BIK: variants seen among roughly 807,000 people sequenced by gnomAD.
BIK encodes the protein BCL2 interacting killer.
In BIK, 14 loss-of-function variants were observed where a neutral mutation model predicts 12.1. The observed-to-expected ratio is 1.16, with a 90% CI of 0.77 to 1.81. The LOEUF (loss-of-function observed/expected upper bound fraction) is 1.81, where lower values mean the gene tolerates loss of function less well. BIK is among the 40% of genes most tolerant of loss of function. BIK has a pLI of 0.00. For missense variants in BIK, 215 were observed against 207.9 expected, an observed-to-expected ratio of 1.03 and a Z score of -0.21; for synonymous variants, 86 against 92.3, an observed-to-expected ratio of 0.93 and a Z score of 0.39.
chr22:43,121,039 G>T (rs564875640), intron 1 of BIK, among the ~76,000 whole-genome samples: 3 of 152,180 alleles, frequency 2.0e-5, no homozygotes, highest in Non-Finnish European at 4.4e-5. Flanking sequence ...GCCGGGTGTG[G>T]TGGCATGTGC....
rs190445281 is a variant in BIK at position 43,116,006 on chromosome 22, T to G, written c.-8+5203T>G. Among the ~76,000 whole-genome samples the G allele has an allele frequency of 2.6e-4, 40 of 152,208 alleles. 1 individual carries two copies. The highest frequency in any genetic ancestry group is 7.9e-4 in the African/African-American group (33 of 41,528). On this transcript the variant is annotated intron_variant, in intron 1 of 4. Coordinates refer to ENST00000216115, the MANE Select transcript of BIK (RefSeq NM_001197.5). ...CCTGACCTTAGTTGATCCATCTGCC[T>G]TGACCTCCCAAAGTGCTGGGATTAC... is the stretch of plus-strand genomic sequence containing the variant.
chr22:43,125,230 C>G (rs138502102), intron 2 of BIK, among the ~76,000 whole-genome samples: 18 of 152,260 alleles, frequency 1.2e-4, no homozygotes, highest in African/African-American at 4.3e-4. Context: ...TTTGCCGAAT[C>G]CTGTTTTATC....
At chr22:43,118,465 C>T (rs1344555049) in intron 1 of BIK, among the ~76,000 whole-genome samples, 1 of 152,196 alleles carries the variant, frequency 6.6e-6, no homozygotes, top group Admixed American at 6.5e-5. Flanking sequence ...TTCTGCCTCA[C>T]ACAGCAGGGG....
intron 1 of BIK, among the ~76,000 whole-genome samples, chr22:43,121,451 A>G (rs1303133261): frequency 3.3e-5 from 5 of 152,018 alleles, no homozygotes; most frequent in Admixed American, 2.6e-4. Flanking sequence ...CCTTCTTCCT[A>G]TCTGGCGCCT....
At chr22:43,126,188 C>CTTTTTTTTTTTTT (rs549572600) in intron 2 of BIK, among the ~76,000 whole-genome samples, 3 of 137,164 alleles carry the variant, frequency 2.2e-5, no homozygotes, top group Admixed American at 1.4e-4. Flanking sequence ...GCATGCCCGG[C>CTTTTTTTTTTTTT]TTTTTTTTTT....
intron 1 of BIK, among the ~76,000 whole-genome samples, chr22:43,116,009 A>G (rs1022308362): frequency 1.3e-5 from 2 of 150,718 alleles, no homozygotes; most frequent in African/African-American, 2.4e-5. Context: ...ATCTGCCTTG[A>G]CCTCCCAAAG....
At chr22:43,121,031 C>T (rs1255573061) in intron 1 of BIK, among the ~76,000 whole-genome samples, 4 of 152,158 alleles carry the variant, frequency 2.6e-5, no homozygotes, top group South Asian at 2.1e-4. Context: ...AAAAATTAGC[C>T]GGGTGTGGTG....
intron 2 of BIK, 36 bp downstream of exon 2, chr22:43,124,219 T>C (rs1930271619): frequency 6.2e-6 from 10 of 1,608,300 alleles, no homozygotes; most frequent in Non-Finnish European, 8.5e-6. Flanking sequence ...CCCTGCCTGA[T>C]AGTGACTTCA....
chr22:43,124,884 T>G (rs1930284678), intron 2 of BIK, among the ~76,000 whole-genome samples: 1 of 152,102 alleles, frequency 6.6e-6, no homozygotes, highest in Non-Finnish European at 1.5e-5. Context: ...AGAGCGAGAC[T>G]CCATCTCAAA....
intron 1 of BIK, among the ~76,000 whole-genome samples, chr22:43,111,052 T>A (rs961108088): frequency 9.9e-5 from 15 of 151,822 alleles, no homozygotes; most frequent in African/African-American, 3.1e-4. Context: ...GGCCTCAGTC[T>A]CCGCGCCTGT....
chr22:43,127,908 C>A, intron 3 of BIK, 113 bp downstream of exon 3: 2 of 944,520 alleles, frequency 2.1e-6, no homozygotes, highest in Non-Finnish European at 2.9e-6. Context: ...GGGGGATGTG[C>A]CTTGACACTG....
In BIK at chr22:43,126,188, C is replaced by CT. The variant is rs549572600; in HGVS notation, c.162-1494dup. Among the ~76,000 whole-genome samples, 293 of 137,158 alleles carry CT rather than the reference C, an allele frequency of 2.1e-3. 1 individual carries two copies. Among genetic ancestry groups the CT allele is most frequent in the East Asian group, 5.8e-3 (28 of 4,806 alleles). 90.0% of individuals were successfully genotyped at this position (137,158 alleles called of 152,430 possible). ...TGCAGGCGTGCACCAGCATGCCCGGCTTTTTTTTTTTTTTTGAGACGGAGT... is the reference window on the plus strand; with the variant it reads ...TGCAGGCGTGCACCAGCATGCCCGGCTTTTTTTTTTTTTTTTGAGACGGAGT... On this transcript the variant is annotated intron_variant, in intron 2 of 4. Coordinates refer to ENST00000216115, the MANE Select transcript of BIK (RefSeq NM_001197.5).
intron 1 of BIK, among the ~76,000 whole-genome samples, chr22:43,118,686 C>T (rs895990597): frequency 3.9e-5 from 6 of 152,098 alleles, no homozygotes; most frequent in Admixed American, 1.3e-4. Context: ...GTGACCCCAG[C>T]GTGGCCCCTG....
Position 43,129,687 on chromosome 22 carries a change from G to T in BIK, c.*382G>T. 4.3e-6 allele frequency: 1 copy of T among 230,682 alleles called. No homozygotes were observed. The highest frequency in any genetic ancestry group is 1.2e-4 in the East Asian group (1 of 8,190). 14.3% of individuals were successfully genotyped at this position (230,682 alleles called of 1,614,324 possible). On this transcript the variant is annotated 3_prime_UTR_variant, in exon 5 of 5. Coordinates refer to ENST00000216115, the MANE Select transcript of BIK (RefSeq NM_001197.5). ...GGAATAGATTCCGAGGAGCAGGAGTGCTCAATAAAATGTTGGTTTCCAGCA... is the reference window on the plus strand; with the variant it reads ...GGAATAGATTCCGAGGAGCAGGAGTTCTCAATAAAATGTTGGTTTCCAGCA...
intron 3 of BIK, 53 bp from the exon 4 acceptor site, chr22:43,128,443 C>A: frequency 6.3e-7 from 1 of 1,594,108 alleles, no homozygotes; most frequent in South Asian, 1.1e-5. Flanking sequence ...TACAGGCTGC[C>A]CCTACCTGCT....
At chr22:43,122,800 C>T (rs922314555) in intron 1 of BIK, among the ~76,000 whole-genome samples, 2 of 152,156 alleles carry the variant, frequency 1.3e-5, no homozygotes, top group Non-Finnish European at 1.5e-5. Context: ...CAGGCCTGGC[C>T]GCTCTCTGCC....
At chr22:43,125,150 A>C (rs1353816279) in intron 2 of BIK, among the ~76,000 whole-genome samples, 1 of 152,172 alleles carries the variant, frequency 6.6e-6, no homozygotes, top group Non-Finnish European at 1.5e-5. Flanking sequence ...GTTGGTGCAC[A>C]ATGAATAGTG....
At chr22:43,125,999 C>T (rs555516040) in intron 2 of BIK, among the ~76,000 whole-genome samples, 58 of 151,796 alleles carry the variant, frequency 3.8e-4, no homozygotes, top group African/African-American at 1.3e-3. Context: ...CAGGCACACC[C>T]GGCCATCCCA....
chr22:43,111,169 C>T (rs916199328), intron 1 of BIK, among the ~76,000 whole-genome samples: 1 of 152,188 alleles, frequency 6.6e-6, no homozygotes, highest in Non-Finnish European at 1.5e-5. Context: ...ACTCTGGGGT[C>T]GTGCGGACCC....
Sources: gnomAD v4.1 joint callset for allele counts (sites outside exome capture counted in the v4.1 genomes callset) on GRCh38, gnomAD v4.1.1 for gene constraint, MANE v1.5 for transcripts, NCBI Gene and HGNC (gene_info 2026-07-23, HGNC 2026-07-21) for gene names.